AGAP1: variants seen among roughly 807,000 people sequenced by gnomAD.
AGAP1 encodes arf-GAP with GTPase, ANK repeat and PH domain-containing protein 1.
AGAP1 carries 29 observed loss-of-function variants against 105.3 expected under a neutral mutation model. That is an observed-to-expected ratio of 0.28 (90% confidence interval 0.21 to 0.38). The LOEUF is 0.38. AGAP1 is among the 10% of genes least tolerant of loss of function. The probability of loss-of-function intolerance (pLI) is 1.00; values close to 1 mark genes in which losing one functional copy is unlikely to be tolerated. For synonymous variants in AGAP1, 509 were observed against 485.9 expected (o/e 1.05, Z -0.63); for missense variants, 998 against 1,165.1 (o/e 0.86, Z 2.09).
intron 1 of AGAP1, among the ~76,000 whole-genome samples, chr2:235,513,345 A>G (rs898568310): frequency 1.3e-5 from 2 of 151,840 alleles, no homozygotes; most frequent in African/African-American, 4.8e-5. Flanking sequence ...ACATGGTGAA[A>G]CCCCGTCTCT....
chr2:235,791,278 G>A (rs1255357248), intron 6 of AGAP1, among the ~76,000 whole-genome samples: 1 of 152,152 alleles, frequency 6.6e-6, no homozygotes, highest in Non-Finnish European at 1.5e-5. Flanking sequence ...ACTTTACTGT[G>A]ATTTAAAATG....
At chr2:235,675,165 TGTTGGTTGGTTG>T (rs1227983549) in intron 1 of AGAP1, among the ~76,000 whole-genome samples, 1 of 150,362 alleles carries the variant, frequency 6.7e-6, no homozygotes, top group African/African-American at 2.4e-5. Context: ...GGACACTTTT[TGTTGGTTGGTTG>T]GTTGGTTGGT....
rs2058706903 is a variant in AGAP1 at position 236,078,707 on chromosome 2, G to A, written c.2114+29426G>A. Among the ~76,000 whole-genome samples the A allele has an allele frequency of 6.6e-6, 1 of 152,174 alleles. No individual in the cohort carries two copies. Among genetic ancestry groups the A allele is most frequent in the Non-Finnish European group, 1.5e-5 (1 of 68,030 alleles). On this transcript the variant is annotated intron_variant, in intron 16 of 17. Transcript: ENST00000304032. This position sits in a 1 kb window ranked among gnomAD's most constrained non-coding sequence, Gnocchi z 5.3. The stretch of plus-strand genomic sequence containing the variant: ...TGTCCCCTACCTGGCTCCTGTGGCT[G>A]GGTGCTAGATGGGACCATGGGACCC...
chr2:235,636,038 G>A (rs1350202107), intron 1 of AGAP1, among the ~76,000 whole-genome samples: 2 of 152,040 alleles, frequency 1.3e-5, no homozygotes, highest in East Asian at 3.9e-4. Context: ...GCTTGAACCC[G>A]GAAGGTGGAG....
chr2:236,027,524 C>CCCAGGGCAG lies in AGAP1; in HGVS notation c.1646-9036_1646-9028dup, dbSNP rs1208304645. On this transcript the variant is annotated intron_variant, in intron 13 of 17. Coordinates refer to ENST00000304032, the MANE Select transcript of AGAP1 (RefSeq NM_001037131.3). The surrounding 1 kb of genome is among the most constrained non-coding windows in gnomAD (Gnocchi z 4.4). ...CATCTCCCGCCTCTGCCCTGCCTCC[C>CCCAGGGCAG]CCAGGGCAGACTGAGCCTCTCCCCT... 1.3e-5 allele frequency among the ~76,000 whole-genome samples: 2 copies of CCCAGGGCAG among 152,142 alleles called. No homozygotes were observed. The highest frequency in any genetic ancestry group is 4.8e-5 in the African/African-American group (2 of 41,434).
In AGAP1 at chr2:236,124,076, A is replaced by G. The variant is rs375325985; in HGVS notation, c.2528A>G (p.Asn843Ser). 39 of 1,614,020 alleles carry G rather than the reference A, an allele frequency of 2.4e-5. No individual in the cohort carries two copies. The African/African-American group carries it at 4.9e-4, about 20-fold the overall frequency. ...GCCACCCCTAACCTGTCCAGGAGAA[A>G]CAATAACCGGAACAACAGCAGTGGG... ...LMATPNLSRR[N>S]NNRNNSSGRV... The change falls in exon 18 of 18, where the codon AAC becomes AGC. Residue 843 changes from asparagine (N) to serine (S), a missense_variant. By Grantham distance (46) the Asn-to-Ser change is conservative (BLOSUM62 1). This residue lies in a region of AGAP1 where 235 missense variants were observed against 270.7 expected (regional missense o/e 0.87). Transcript: ENST00000304032. This position sits in a 1 kb window ranked among gnomAD's most constrained non-coding sequence, Gnocchi z 5.1.
rs1305934942 is a variant in AGAP1, at chr2:235,621,348, G to A, written c.164-87831G>A. Among the ~76,000 whole-genome samples, 2 of 152,066 alleles carry A rather than the reference G, an allele frequency of 1.3e-5. No homozygotes were observed. The highest frequency in any genetic ancestry group is 4.8e-5 in the African/African-American group (2 of 41,424). On this transcript the variant is annotated intron_variant, in intron 1 of 17. Coordinates refer to ENST00000304032, the MANE Select transcript of AGAP1 (RefSeq NM_001037131.3). The surrounding 1 kb of genome is among the most constrained non-coding windows in gnomAD (Gnocchi z 4.1). Reference sequence around the variant, plus strand: ...ATCTATTTAATTTCATTGTGCCTTGGTTTCTTCATATGTTTCAATAAAATG... The same window carrying A: ...ATCTATTTAATTTCATTGTGCCTTGATTTCTTCATATGTTTCAATAAAATG...
intron 1 of AGAP1, among the ~76,000 whole-genome samples, chr2:235,505,438 T>G (rs544716414): frequency 6.6e-6 from 1 of 152,244 alleles, no homozygotes; most frequent in South Asian, 2.1e-4. Context: ...CAAATATTTA[T>G]TTTGAGGGAT....
chr2:235,604,355 AC>A (rs1945843674), intron 1 of AGAP1, among the ~76,000 whole-genome samples: 3 of 151,610 alleles, frequency 2.0e-5, no homozygotes, highest in African/African-American at 7.2e-5. Flanking sequence ...GGTGGTGTGC[AC>A]CTGTAGTGCC....
At chr2:235,686,662 TA>T (rs1265697295) in intron 1 of AGAP1, among the ~76,000 whole-genome samples, 792 of 75,236 alleles carry the variant, frequency 0.011, 28 homozygotes, top group Non-Finnish European at 0.014. Context: ...TATATATATA[TA>T]TATTTTTTTT....
At chr2:235,869,030 G>A (rs879518669) in intron 9 of AGAP1, among the ~76,000 whole-genome samples, 5 of 152,108 alleles carry the variant, frequency 3.3e-5, no homozygotes, top group Admixed American at 2.6e-4. Flanking sequence ...TTAGGTGGTA[G>A]GAATTAGATC....
chr2:236,043,351 C>T (rs1179389038), intron 15 of AGAP1, among the ~76,000 whole-genome samples: 1 of 152,192 alleles, frequency 6.6e-6, no homozygotes, highest in Non-Finnish European at 1.5e-5. Flanking sequence ...GGCAAAAAAT[C>T]AGAAGCATCC....
intron 1 of AGAP1, among the ~76,000 whole-genome samples, chr2:235,538,558 C>T (rs1170372262): frequency 6.6e-6 from 1 of 151,772 alleles, no homozygotes; most frequent in Non-Finnish European, 1.5e-5. Context: ...GGTTTCCGCA[C>T]GCCTTGCTGT....
At chr2:235,524,530 GC>G in intron 1 of AGAP1, 1 of 337,390 alleles carries the variant, frequency 3.0e-6, no homozygotes, top group Non-Finnish European at 6.3e-6. Flanking sequence ...GCTGCACCCA[GC>G]CCCCATGGGT....
chr2:236,045,579 T>G lies in AGAP1; in HGVS notation c.1892-3480T>G, dbSNP rs969881254. Among the ~76,000 whole-genome samples the G allele has an allele frequency of 6.6e-6, 1 of 152,152 alleles. No homozygotes were observed. Among genetic ancestry groups the G allele is most frequent in the African/African-American group, 2.4e-5 (1 of 41,438 alleles). On this transcript the variant is annotated intron_variant, in intron 15 of 17. Transcript: ENST00000304032. This position sits in a 1 kb window ranked among gnomAD's most constrained non-coding sequence, Gnocchi z 6.9. ...TGGCACGCACACAGGTGTGAGGGCC[T>G]GGAGAGCAGGCAGGGCCGCCCTGGG...
intron 16 of AGAP1, among the ~76,000 whole-genome samples, chr2:236,081,854 CAG>C (rs758433709): frequency 1.3e-5 from 2 of 152,076 alleles, no homozygotes; most frequent in South Asian, 2.1e-4. Flanking sequence ...TTTTTCTTCT[CAG>C]GGGGATGAAA....
chr2:235,839,730 G>A (rs1416636087), intron 9 of AGAP1, among the ~76,000 whole-genome samples: 1 of 152,172 alleles, frequency 6.6e-6, no homozygotes, highest in East Asian at 1.9e-4. Context: ...AAGAACATTA[G>A]GCAGAGGAAA....
At chr2:235,637,571 C>T (rs1447695387) in intron 1 of AGAP1, among the ~76,000 whole-genome samples, 2 of 152,084 alleles carry the variant, frequency 1.3e-5, no homozygotes, top group Non-Finnish European at 2.9e-5. Flanking sequence ...TATGAGCCAC[C>T]GTGCTCGGCC....
rs777789570 is a variant in AGAP1, at chr2:236,040,895, G to A, written c.1891+54G>A. 57 of 1,582,272 alleles carry A rather than the reference G, an allele frequency of 3.6e-5. No homozygotes were observed. Among genetic ancestry groups the A allele is most frequent in the Non-Finnish European group, 4.9e-5 (56 of 1,152,236 alleles). ...GGCGCTGTGTAGCTGGAGACCACATGGTCCCACTAGGCCCGGGTTGCAGGG... is the reference window on the plus strand; with the variant it reads ...GGCGCTGTGTAGCTGGAGACCACATAGTCCCACTAGGCCCGGGTTGCAGGG... On this transcript the variant is annotated intron_variant, in intron 15 of 17. Transcript: ENST00000304032. This position sits in a 1 kb window ranked among gnomAD's most constrained non-coding sequence, Gnocchi z 5.6.
Sources: allele counts gnomAD v4.1 joint callset (sites outside exome capture counted in the v4.1 genomes callset), GRCh38; gene constraint gnomAD v4.1.1; regional missense constraint gnomAD v4.1.1; non-coding constraint Gnocchi (gnomAD v3.1); transcripts MANE v1.5; gene names NCBI Gene and HGNC (gene_info 2026-07-23, HGNC 2026-07-21).